NSRP1: variants seen among roughly 807,000 people sequenced by gnomAD.
NSRP1 encodes the protein coiled-coil domain containing 55.
Under a neutral mutation model 54.7 loss-of-function variants are expected in NSRP1, and 24 were observed. The ratio of observed to expected loss-of-function variants is 0.44; its 90% CI spans 0.32 to 0.62. The LOEUF is 0.62. Ranked by LOEUF, NSRP1 falls within the 20% of genes least tolerant of loss-of-function variation. The probability of loss-of-function intolerance (pLI) is 0.06; values close to 1 mark genes in which losing one functional copy is unlikely to be tolerated. For missense variants in NSRP1, 596 were observed against 651.2 expected (o/e 0.92, Z 0.92); for synonymous variants, 210 against 213.8 (o/e 0.98, Z 0.15).
At position 30,185,501 on chromosome 17, in the gene NSRP1, C is replaced by T; in HGVS notation, c.1504C>T (p.Leu502Phe). ...ATCATCACTGGGAGCAAAACACAGACTCACAGAGGAAGGGCAAGAGAAGGG... is the reference window on the plus strand; with the variant it reads ...ATCATCACTGGGAGCAAAACACAGATTCACAGAGGAAGGGCAAGAGAAGGG... ...SESSLGAKHR[L>F]TEEGQEKGKE... Residue 502 changes from leucine (L) to phenylalanine (F), a missense_variant, in exon 7 of 7, where the codon CTC becomes TTC. By Grantham distance (22) the Leu-to-Phe change is conservative (BLOSUM62 0). Transcript: ENST00000247026. The T allele has an allele frequency of 1.2e-6, 2 of 1,613,956 alleles. No individual in the cohort carries two copies. The highest frequency in any genetic ancestry group is 4.5e-5 in the East Asian group (2 of 44,878).
chr17:30,179,920 C>G (rs1027922654), intron 5 of NSRP1, among the ~76,000 whole-genome samples: 1 of 149,120 alleles, frequency 6.7e-6, no homozygotes, highest in African/African-American at 2.5e-5. Context: ...CACTGCAGCC[C>G]TGACCTCCCA....
intron 2 of NSRP1, among the ~76,000 whole-genome samples, chr17:30,158,484 A>C (rs1211629847): frequency 6.6e-6 from 1 of 151,826 alleles, no homozygotes. Flanking sequence ...CCATTTATCT[A>C]TCTTTGTTTT....
chr17:30,167,556 C>T (rs1026469719), intron 2 of NSRP1, among the ~76,000 whole-genome samples: 1 of 151,912 alleles, frequency 6.6e-6, no homozygotes, highest in African/African-American at 2.4e-5. Flanking sequence ...TTGCAGTGAG[C>T]CGAGATCGCA....
chr17:30,142,981 C>G (rs2071819672), intron 2 of NSRP1, among the ~76,000 whole-genome samples: 1 of 152,118 alleles, frequency 6.6e-6, no homozygotes, highest in Non-Finnish European at 1.5e-5. Flanking sequence ...TTTACTCAAC[C>G]TGTTTGACAA....
intron 2 of NSRP1, among the ~76,000 whole-genome samples, chr17:30,148,335 T>C (rs1205914699): frequency 6.6e-6 from 1 of 152,224 alleles, no homozygotes; most frequent in Admixed American, 6.5e-5. Flanking sequence ...GATTTAGGGT[T>C]TTCAAACATC....
At chr17:30,149,624 A>T (rs993848487) in intron 2 of NSRP1, among the ~76,000 whole-genome samples, 1 of 152,034 alleles carries the variant, frequency 6.6e-6, no homozygotes, top group Non-Finnish European at 1.5e-5. Flanking sequence ...TGAGCCCAGG[A>T]GTTCAAGACT....
chr17:30,119,369 C>G (rs997441802), intron 2 of NSRP1, among the ~76,000 whole-genome samples: 1 of 151,884 alleles, frequency 6.6e-6, no homozygotes, highest in Non-Finnish European at 1.5e-5. Flanking sequence ...CCCACCACCA[C>G]GCCCAGCTAA....
intron 5 of NSRP1, among the ~76,000 whole-genome samples, chr17:30,180,220 G>A (rs1490123121): frequency 6.6e-6 from 1 of 152,164 alleles, no homozygotes; most frequent in African/African-American, 2.4e-5. Context: ...GCAGTCGTAT[G>A]ATCTTGGCTC....
intron 3 of NSRP1, among the ~76,000 whole-genome samples, chr17:30,173,854 C>T (rs1469850272): frequency 6.6e-6 from 1 of 152,172 alleles, no homozygotes; most frequent in Non-Finnish European, 1.5e-5. Flanking sequence ...GTGTTTCACA[C>T]CCTCCCGGAC....
chr17:30,164,753 A>G (rs116596603), intron 2 of NSRP1, among the ~76,000 whole-genome samples: 5 of 152,264 alleles, frequency 3.3e-5, no homozygotes, highest in African/African-American at 1.2e-4. Flanking sequence ...TGCTGTCTTC[A>G]TGTCACTGCG....
At chr17:30,180,592 A>G (rs1000256420) in intron 5 of NSRP1, among the ~76,000 whole-genome samples, 3 of 152,368 alleles carry the variant, frequency 2.0e-5, no homozygotes, top group Middle Eastern at 6.8e-3. Context: ...AAGACTTTAA[A>G]TTTATAAATT....
At chr17:30,133,364 C>T (rs1464805351) in intron 2 of NSRP1, among the ~76,000 whole-genome samples, 3 of 152,106 alleles carry the variant, frequency 2.0e-5, no homozygotes, top group African/African-American at 7.2e-5. Flanking sequence ...TCTCCTTGTA[C>T]ATCTCTGTCA....
chr17:30,177,871 C>T, intron 3 of NSRP1, 200 bp from the exon 4 acceptor site: 1 of 635,182 alleles, frequency 1.6e-6, no homozygotes, highest in Non-Finnish European at 2.8e-6. Flanking sequence ...ACAAACTTGC[C>T]CGGAGTAATT....
chr17:30,130,286 A>G (rs1362273279), intron 2 of NSRP1, among the ~76,000 whole-genome samples: 1 of 151,822 alleles, frequency 6.6e-6, no homozygotes, highest in African/African-American at 2.4e-5. Context: ...TTTTGTTGAG[A>G]CAGAGTCTCA....
intron 2 of NSRP1, among the ~76,000 whole-genome samples, chr17:30,124,745 C>A (rs1046022606): frequency 3.9e-5 from 6 of 152,198 alleles, no homozygotes; most frequent in African/African-American, 1.4e-4. Context: ...CTCCTACCTT[C>A]CGGTCAAAGC....
chr17:30,144,731 A>C (rs1160392721), intron 2 of NSRP1: 1 of 152,222 alleles, frequency 6.6e-6, no homozygotes, highest in East Asian at 1.9e-4. Context: ...ATGCCTATGC[A>C]TACAATACAC....
chr17:30,139,647 A>G (rs1317381480), intron 2 of NSRP1, among the ~76,000 whole-genome samples: 1 of 151,928 alleles, frequency 6.6e-6, no homozygotes, highest in Non-Finnish European at 1.5e-5. Context: ...CTCTAAAACA[A>G]TGGCTCTACA....
chr17:30,184,517 A>T, intron 6 of NSRP1, 98 bp from the exon 7 acceptor site: 1 of 1,425,246 alleles, frequency 7.0e-7, no homozygotes, highest in Non-Finnish European at 9.3e-7. Flanking sequence ...AGGTGTATTG[A>T]TTTGAGTATT....
intron 2 of NSRP1, among the ~76,000 whole-genome samples, chr17:30,158,156 T>C (rs180693172): frequency 6.6e-6 from 1 of 152,286 alleles, no homozygotes; most frequent in Admixed American, 6.5e-5. Context: ...TTTTTAATAA[T>C]AGAGGTTCCA....
Sources: gnomAD v4.1 joint callset for allele counts (sites outside exome capture counted in the v4.1 genomes callset) on GRCh38, gnomAD v4.1.1 for gene constraint, MANE v1.5 for transcripts, NCBI Gene and HGNC (gene_info 2026-07-23, HGNC 2026-07-21) for gene names.